Variants in TRIM15 observed in about 807,000 individuals in gnomAD.
TRIM15 encodes the protein tripartite motif containing 15.
A neutral mutation model predicts 35.8 loss-of-function variants in TRIM15; 35 were observed. That is an observed-to-expected ratio of 0.98 (90% CI 0.75 to 1.30). TRIM15 has a LOEUF of 1.30. TRIM15 is among the 50% of genes most tolerant of loss of function. TRIM15 has a pLI of 0.00. For synonymous variants in TRIM15, 252 were observed against 249.8 expected (o/e 1.01, Z -0.08); for missense variants, 590 against 593.5 (o/e 0.99, Z 0.06).
In TRIM15 at chr6:30,170,562, C is replaced by A. The variant is rs761388796; in HGVS notation, c.793C>A (p.Arg265Ser). Reference sequence around the variant, plus strand: ...TTCTCCTGACCTTGTCAAGAAGATCCGTGATTTCCACAGGAAAATACTCAC... The same window carrying A: ...TTCTCCTGACCTTGTCAAGAAGATCAGTGATTTCCACAGGAAAATACTCAC... ...AISPDLVKKI[R>S]DFHRKILTLP... Residue 265 changes from arginine (R) to serine (S), a missense_variant, in exon 5 of 7, where the codon CGT (arginine) becomes AGT (serine). Physicochemically the swap from Arg to Ser is moderately radical, Grantham distance 110. Transcript: ENST00000376694. 6.2e-7 allele frequency: 1 copy of A among 1,613,990 alleles called. No homozygotes were observed. The highest frequency in any genetic ancestry group is 8.5e-7 in the Non-Finnish European group (1 of 1,180,020).
chr6:30,172,127 G>T lies in TRIM15; in HGVS notation c.1176G>T (p.Ser392=). 1.3e-6 allele frequency: 2 copies of T among 1,583,388 alleles called. No homozygotes were observed. Among genetic ancestry groups the T allele is most frequent in the Non-Finnish European group, 8.6e-7 (1 of 1,165,136 alleles). Reference sequence around the variant, plus strand: ...ACGGCGTCTGGGCCGTGATCATCTCGCACCAGCAGTGCTGGGCCAGCACCT... The same window carrying T: ...ACGGCGTCTGGGCCGTGATCATCTCTCACCAGCAGTGCTGGGCCAGCACCT... ...AEDGVWAVII[S]HQQCWASTSP... Residue 392 remains serine, a synonymous_variant, in exon 7 of 7, where the codon TCG becomes TCT. Coordinates refer to ENST00000376694, the MANE Select transcript of TRIM15 (RefSeq NM_033229.3).
At chr6:30,167,603 T>C (rs768762855) in intron 2 of TRIM15, among the ~76,000 whole-genome samples, 6 of 152,234 alleles carry the variant, frequency 3.9e-5, no homozygotes, top group Non-Finnish European at 7.3e-5. Flanking sequence ...GTTCTTTCCA[T>C]CCTAGTCTGT....
intron 1 of TRIM15, among the ~76,000 whole-genome samples, chr6:30,166,159 T>C (rs960058281): frequency 2.0e-5 from 3 of 152,246 alleles, no homozygotes; most frequent in African/African-American, 7.2e-5. Flanking sequence ...TTTGGTGTTC[T>C]AGTCATGAAG....
At chr6:30,171,064 CAGCAAACAG>C (rs1773982934) in intron 6 of TRIM15, 56 bp downstream of exon 6, 1 of 1,567,476 alleles carries the variant, frequency 6.4e-7, no homozygotes, top group African/African-American at 1.4e-5. Flanking sequence ...CAATCCATGG[CAGCAAACAG>C]AGCAATAAAA....
chr6:30,169,088 A>G (rs1388323324), intron 3 of TRIM15, among the ~76,000 whole-genome samples, 153 bp from the exon 4 acceptor site: 1 of 152,238 alleles, frequency 6.6e-6, no homozygotes, highest in Non-Finnish European at 1.5e-5. Flanking sequence ...AACATGATGT[A>G]AAAGAACAAT....
At position 30,172,156 on chromosome 6, in the gene TRIM15, C is replaced by G; in HGVS notation, c.1205C>G (p.Pro402Arg). ...SHQQCWASTS[P>R]GTDLPLSEIP... The stretch of plus-strand genomic sequence containing the variant: ...CAGCAGTGCTGGGCCAGCACCTCCC[C>G]GGGCACCGACCTGCCGCTGAGCGAG... The change falls in exon 7 of 7, where the codon CCG becomes CGG. Residue 402 changes from proline (P) to arginine (R), a missense_variant. Pro to Arg is a moderately radical substitution (Grantham distance 103). Transcript: ENST00000376694. The G allele has an allele frequency of 6.3e-7, 1 of 1,593,274 alleles. No homozygotes were observed. Among genetic ancestry groups the G allele is most frequent in the Non-Finnish European group, 8.5e-7 (1 of 1,170,564 alleles).
chr6:30,165,438 T>C (rs1773529439), intron 1 of TRIM15, among the ~76,000 whole-genome samples: 1 of 152,256 alleles, frequency 6.6e-6, no homozygotes, highest in African/African-American at 2.4e-5. Flanking sequence ...TGAACACATC[T>C]TTTTTATGCC....
intron 2 of TRIM15, 137 bp downstream of exon 2, chr6:30,167,408 A>G: frequency 1.4e-6 from 1 of 698,416 alleles, no homozygotes; most frequent in Non-Finnish European, 2.4e-6. Context: ...GTGGCTGCAC[A>G]AAGGCATTTG....
intron 4 of TRIM15, chr6:30,169,508 A>AATAATCATGTT (rs1773862601): frequency 1.4e-6 from 1 of 698,260 alleles, no homozygotes; most frequent in African/African-American, 1.7e-5. Flanking sequence ...AGTTATAAAT[A>AATAATCATGTT]ATAATCATGT....
At chr6:30,166,267 A>T (rs1773589460) in intron 1 of TRIM15, among the ~76,000 whole-genome samples, 1 of 151,974 alleles carries the variant, frequency 6.6e-6, no homozygotes, top group Admixed American at 6.6e-5. Context: ...ATCCATCTTG[A>T]GTTAATTTTT....
Position 30,169,272 on chromosome 6 carries a change from C to T in TRIM15, c.731+9C>T. The stretch of plus-strand genomic sequence containing the variant: ...AGAGTCAACCAGAGCAGGTAGGGCC[C>T]ACTCCCCGGTCCTGCCTCCTTTTAC... On this transcript the variant is annotated intron_variant, in intron 4 of 6. Coordinates refer to ENST00000376694, the MANE Select transcript of TRIM15 (RefSeq NM_033229.3). 1 of 1,613,088 alleles carries T rather than the reference C, an allele frequency of 6.2e-7. No individual in the cohort carries two copies. The highest frequency in any genetic ancestry group is 8.5e-7 in the Non-Finnish European group (1 of 1,180,002).
intron 3 of TRIM15, 74 bp downstream of exon 3, chr6:30,168,604 G>A (rs1266396213): frequency 1.4e-6 from 2 of 1,392,460 alleles, no homozygotes; most frequent in African/African-American, 2.9e-5. Context: ...CATGCTTTGG[G>A]CTGGAGAGAG....
At chr6:30,167,124 G>A (rs915503621) in intron 1 of TRIM15, 52 bp from the exon 2 acceptor site, 2 of 1,463,416 alleles carry the variant, frequency 1.4e-6, no homozygotes, top group Non-Finnish European at 1.9e-6. Flanking sequence ...TAATAATTGT[G>A]AGTTGAATTA....
chr6:30,167,093 G>A (rs1409758861), intron 1 of TRIM15, 83 bp from the exon 2 acceptor site: 2 of 1,276,362 alleles, frequency 1.6e-6, no homozygotes, highest in Non-Finnish European at 2.3e-6. Flanking sequence ...GCACTCAACA[G>A]TGTGCCCAGG....
Position 30,163,660 on chromosome 6 carries a change from T to A in TRIM15, c.-25T>A, listed in dbSNP as rs1211399476. 2.5e-6 allele frequency: 4 copies of A among 1,579,608 alleles called. No homozygotes were observed. The East Asian group carries it at 6.7e-5, about 27-fold the overall frequency. ...CTCGCGTGGGCTGAGGAGACCGGAGTGGACGGGCTGGGGAAGGCACCGTGA... is the reference window on the plus strand; with the variant it reads ...CTCGCGTGGGCTGAGGAGACCGGAGAGGACGGGCTGGGGAAGGCACCGTGA... On this transcript the variant is annotated 5_prime_UTR_variant, in exon 1 of 7. Transcript: ENST00000376694.
intron 6 of TRIM15, 110 bp downstream of exon 6, chr6:30,171,118 C>T (rs115440118): frequency 0.012 from 15,480 of 1,248,576 alleles, 170 homozygotes; most frequent in Middle Eastern, 0.029. Flanking sequence ...CTTGAGTTCT[C>T]GATTCCAGTT....
chr6:30,171,689 T>G (rs1327176068), intron 6 of TRIM15, 143 bp from the exon 7 acceptor site: 2 of 1,080,164 alleles, frequency 1.9e-6, no homozygotes, highest in Non-Finnish European at 2.5e-6. Context: ...ACTTGCTGAT[T>G]AGGTAGAAGG....
intron 2 of TRIM15, among the ~76,000 whole-genome samples, chr6:30,168,025 A>G (rs1773735270): frequency 6.6e-6 from 1 of 152,210 alleles, no homozygotes; most frequent in Non-Finnish European, 1.5e-5. Flanking sequence ...TTATGATGGT[A>G]TTGTAGTTGT....
At chr6:30,170,704 C>A in intron 5 of TRIM15, 88 bp downstream of exon 5, 1 of 1,101,800 alleles carries the variant, frequency 9.1e-7, no homozygotes, top group Non-Finnish European at 1.3e-6. Context: ...GCCCTTGAAA[C>A]CTGGCTCGAG....
Sources: gnomAD v4.1 joint callset for allele counts (sites outside exome capture counted in the v4.1 genomes callset) on GRCh38, gnomAD v4.1.1 for gene constraint, MANE v1.5 for transcripts, NCBI Gene and HGNC (gene_info 2026-07-23, HGNC 2026-07-21) for gene names.